Variants in KLHL2 observed in about 807,000 individuals in gnomAD.
KLHL2 encodes kelch like family member 2.
In KLHL2, 15 loss-of-function variants were observed where a neutral mutation model predicts 75.8. That is an observed-to-expected ratio of 0.20 (90% CI 0.13 to 0.30). The LOEUF (loss-of-function observed/expected upper bound fraction) is 0.30, where lower values mean the gene tolerates loss of function less well. Among genes scored for constraint, KLHL2 ranks in the 10% least tolerant of loss-of-function variants. The pLI is 1.00. For missense variants in KLHL2, 381 were observed against 741.0 expected, an observed-to-expected ratio of 0.51 and a Z score of 5.64; for synonymous variants, 214 against 251.9, an observed-to-expected ratio of 0.85 and a Z score of 1.42.
chr4:165,211,798 G>A (rs941589607), intron 1 of KLHL2, among the ~76,000 whole-genome samples: 1 of 152,204 alleles, frequency 6.6e-6, no homozygotes, highest in African/African-American at 2.4e-5. Flanking sequence ...TAGCATTTAT[G>A]TAGTAGTTTA....
intron 4 of KLHL2, among the ~76,000 whole-genome samples, chr4:165,259,701 T>G (rs986491386): frequency 2.0e-5 from 3 of 152,226 alleles, no homozygotes; most frequent in Admixed American, 2.0e-4. Flanking sequence ...TTGTCTTTAT[T>G]ATTCTTCATG....
chr4:165,284,158 C>T (rs1318685974), intron 5 of KLHL2, among the ~76,000 whole-genome samples: 2 of 152,186 alleles, frequency 1.3e-5, no homozygotes, highest in Non-Finnish European at 2.9e-5. Context: ...ACATTTTCCC[C>T]ATTGTCTTGG....
chr4:165,271,316 A>G (rs536814043), intron 5 of KLHL2, among the ~76,000 whole-genome samples: 9 of 152,228 alleles, frequency 5.9e-5, no homozygotes, highest in Non-Finnish European at 1.0e-4. Flanking sequence ...TGTATCATCT[A>G]TGATTTCTTT....
chr4:165,262,155 T>C (rs1366443150), intron 4 of KLHL2, among the ~76,000 whole-genome samples: 1 of 152,220 alleles, frequency 6.6e-6, no homozygotes, highest in Non-Finnish European at 1.5e-5. Context: ...CTTGTAGTGT[T>C]GGATATAGTA....
At chr4:165,309,728 A>G (rs977804842) in intron 9 of KLHL2, among the ~76,000 whole-genome samples, 8 of 152,234 alleles carry the variant, frequency 5.3e-5, no homozygotes, top group Non-Finnish European at 8.8e-5. Flanking sequence ...AAAAATATAA[A>G]AACCATGCTT....
chr4:165,319,914 A>G lies in KLHL2; in HGVS notation c.1753+1945A>G, dbSNP rs960845380. ...TGATTTGAGAAAAAGGAAAGTCATT[A>G]TGTGACAACCTGAAGCAAAAGGAAG... is the stretch of plus-strand genomic sequence containing the variant. On this transcript the variant is annotated intron_variant, in intron 14 of 14. Transcript: ENST00000226725. This position sits in a 1 kb window ranked among gnomAD's most constrained non-coding sequence, Gnocchi z 4.5. Among the ~76,000 whole-genome samples the G allele has an allele frequency of 3.3e-5, 5 of 152,224 alleles. No homozygotes were observed. Among genetic ancestry groups the G allele is most frequent in the Non-Finnish European group, 7.3e-5 (5 of 68,036 alleles).
At chr4:165,216,587 A>G (rs536682726) in intron 1 of KLHL2, among the ~76,000 whole-genome samples, 40 of 152,288 alleles carry the variant, frequency 2.6e-4, no homozygotes, top group African/African-American at 9.4e-4. Flanking sequence ...ATGTGGTACA[A>G]CCTAAAGGGT....
chr4:165,210,328 G>A, intron 1 of KLHL2: 1 of 825,954 alleles, frequency 1.2e-6, no homozygotes, highest in Non-Finnish European at 2.0e-6. Context: ...CCACTGGCCT[G>A]TTGGCACATT....
At chr4:165,275,642 G>A (rs1235860659) in intron 5 of KLHL2, among the ~76,000 whole-genome samples, 9 of 152,132 alleles carry the variant, frequency 5.9e-5, no homozygotes, top group Non-Finnish European at 8.8e-5. Context: ...GGCTCTTGCT[G>A]TGTTGCCCAG....
intron 5 of KLHL2, among the ~76,000 whole-genome samples, chr4:165,283,714 T>C (rs1382946170): frequency 6.6e-6 from 1 of 152,138 alleles, no homozygotes; most frequent in Non-Finnish European, 1.5e-5. Context: ...ACAGCTCCAC[T>C]AGGCAGTACC....
At position 165,294,523 on chromosome 4, in the gene KLHL2, TA is replaced by T. The variant is rs138488937; in HGVS notation, c.654+57del. On this transcript the variant is annotated intron_variant, in intron 6 of 14. Transcript: ENST00000226725. Reference sequence around the variant, plus strand: ...AATGATGTTTCCCTTTTTTTTTTTTTAATTTCACTTTTTTTTATAGCTTTGT... The same window carrying T: ...AATGATGTTTCCCTTTTTTTTTTTTTATTTCACTTTTTTTTATAGCTTTGT... The T allele has an allele frequency of 4.9e-3, 4,426 of 895,308 alleles. 77 individuals are homozygous for T. In the African/African-American group the frequency reaches 0.057, roughly 12 times the overall value. The allele number at this position is 895,308 out of a possible 1,614,324, so 55.5% of individuals were successfully genotyped here.
intron 5 of KLHL2, among the ~76,000 whole-genome samples, chr4:165,281,565 T>C (rs1181205692): frequency 1.3e-5 from 2 of 152,204 alleles, no homozygotes; most frequent in Non-Finnish European, 2.9e-5. Context: ...TCCACCCGCC[T>C]CAGCCTCCCA....
At position 165,283,710 on chromosome 4, in the gene KLHL2, C is replaced by T. The variant is rs146456643; in HGVS notation, c.545-10649C>T. On this transcript the variant is annotated intron_variant, in intron 5 of 14. Coordinates refer to ENST00000226725, the MANE Select transcript of KLHL2 (RefSeq NM_007246.4). ...GGATGGTGGCCCTCTTCTCACAGCT[C>T]CACTAGGCAGTACCCCAGTAGGGAT... Among the ~76,000 whole-genome samples, 1,426 of 152,294 alleles carry T rather than the reference C, an allele frequency of 9.4e-3. 20 individuals carry two copies. The highest frequency in any genetic ancestry group is 0.031 in the African/African-American group (1,273 of 41,550).
intron 5 of KLHL2, among the ~76,000 whole-genome samples, chr4:165,288,830 CTT>C (rs767765515): frequency 2.7e-4 from 33 of 122,282 alleles, no homozygotes; most frequent in Admixed American, 3.2e-4. Context: ...AGGGTTGTTG[CTT>C]TTTTTTTTTT....
At chr4:165,214,478 A>G (rs1737401695) in intron 1 of KLHL2, among the ~76,000 whole-genome samples, 1 of 152,152 alleles carries the variant, frequency 6.6e-6, no homozygotes, top group Non-Finnish European at 1.5e-5. Context: ...TTTGTCATGT[A>G]GGTGGGAGGG....
At position 165,264,722 on chromosome 4, in the gene KLHL2, ATATATATATATATATATG is replaced by A. The variant is rs1308097630; in HGVS notation, c.544+1381_544+1398del. Among the ~76,000 whole-genome samples the A allele has an allele frequency of 4.7e-4, 30 of 64,304 alleles. 1 individual carries two copies. The highest frequency in any genetic ancestry group is 2.7e-3 in the East Asian group (3 of 1,098). The allele number at this position is 64,304 out of a possible 152,430, so 42.2% of individuals were successfully genotyped here. ...TGTGTGTGTATATATATATATATAC[ATATATATATATATATATG>A]TATATATATATATATATATATATAT... On this transcript the variant is annotated intron_variant, in intron 5 of 14. Coordinates refer to ENST00000226725, the MANE Select transcript of KLHL2 (RefSeq NM_007246.4).
At position 165,294,452 on chromosome 4, in the gene KLHL2, T is replaced by C. The variant is rs1400748218; in HGVS notation, c.638T>C (p.Ile213Thr). The change falls in exon 6 of 15, where the codon ATT (isoleucine) becomes ACT (threonine). Residue 213 changes from isoleucine (I) to threonine (T), a missense_variant. Ile to Thr is a moderately conservative substitution (Grantham distance 89). Around this residue, in one of 5 missense-constraint regions of KLHL2, gnomAD observed 111 missense variants for 150.1 expected, o/e 0.74. Coordinates refer to ENST00000226725, the MANE Select transcript of KLHL2 (RefSeq NM_007246.4). The stretch of plus-strand genomic sequence containing the variant: ...TTAATCTCAAGTGACAAACTTACCA[T>C]TTCTTCAGAAGAGAAGGTAAGGATA... ...CSLISSDKLT[I>T]SSEEKVFEAV... is the part of the protein sequence containing the mutation. 3 of 1,590,910 alleles carry C rather than the reference T, an allele frequency of 1.9e-6. No individual in the cohort carries two copies.
chr4:165,212,310 G>T (rs1248893705), intron 1 of KLHL2, among the ~76,000 whole-genome samples: 2 of 152,130 alleles, frequency 1.3e-5, no homozygotes, highest in Non-Finnish European at 2.9e-5. Flanking sequence ...TTCAGATAGG[G>T]TCAGGGTGTC....
intron 4 of KLHL2, among the ~76,000 whole-genome samples, chr4:165,246,945 T>C (rs2111144501): frequency 6.6e-6 from 1 of 152,236 alleles, no homozygotes; most frequent in East Asian, 1.9e-4. Context: ...TTCCAGATTT[T>C]AGATGAGCAG....
Sources: allele counts gnomAD v4.1 joint callset (sites outside exome capture counted in the v4.1 genomes callset), GRCh38; gene constraint gnomAD v4.1.1; regional missense constraint gnomAD v4.1.1; non-coding constraint Gnocchi (gnomAD v3.1); transcripts MANE v1.5; gene names NCBI Gene and HGNC (gene_info 2026-07-23, HGNC 2026-07-21).